The following PHF14 variants were observed in gnomAD, a reference collection of about 807,000 sequenced individuals.
The protein encoded by PHF14 is PHD finger protein 14.
In PHF14, 55 loss-of-function variants were observed where a neutral mutation model predicts 117.9. The ratio of observed to expected loss-of-function variants is 0.47; its 90% CI spans 0.38 to 0.58. PHF14 has a LOEUF of 0.58. Among genes scored for constraint, PHF14 ranks in the 20% least tolerant of loss-of-function variants. PHF14 has a pLI of 0.00. For synonymous variants in PHF14, 409 were observed against 368.6 expected, an observed-to-expected ratio of 1.11 and a Z score of -1.26; for missense variants, 978 against 1,122.2, an observed-to-expected ratio of 0.87 and a Z score of 1.84.
chr7:11,111,306 A>G (rs1381765270), intron 16 of PHF14, 44 bp from the exon 17 acceptor site: 2 of 914,556 alleles, frequency 2.2e-6, no homozygotes, highest in Non-Finnish European at 1.7e-6. Context: ...GATGGTTTTT[A>G]TATTATTTAG....
At chr7:11,034,405 G>A (rs1784236938) in intron 7 of PHF14, among the ~76,000 whole-genome samples, 1 of 151,720 alleles carries the variant, frequency 6.6e-6, no homozygotes, top group African/African-American at 2.4e-5. Flanking sequence ...ATTCTTTTTT[G>A]TACACTACTT....
chr7:11,134,747 A>T (rs554973636), intron 17 of PHF14, among the ~76,000 whole-genome samples: 1 of 152,198 alleles, frequency 6.6e-6, no homozygotes, highest in Non-Finnish European at 1.5e-5. Flanking sequence ...CTTGTCATTA[A>T]ATCTGTTCAG....
At chr7:10,995,758 G>A (rs1186819391) in intron 4 of PHF14, among the ~76,000 whole-genome samples, 1 of 152,180 alleles carries the variant, frequency 6.6e-6, no homozygotes, top group Non-Finnish European at 1.5e-5. Flanking sequence ...AGCACTGCTG[G>A]GGGACCCGGT....
intron 17 of PHF14, among the ~76,000 whole-genome samples, chr7:11,125,968 C>T (rs1164970254): frequency 6.6e-6 from 1 of 152,022 alleles, no homozygotes; most frequent in African/African-American, 2.4e-5. Flanking sequence ...TTTTAAGAAT[C>T]GCTTTGAAAA....
intron 17 of PHF14, among the ~76,000 whole-genome samples, chr7:11,157,528 A>T (rs1788902176): frequency 6.6e-6 from 1 of 152,150 alleles, no homozygotes; most frequent in Non-Finnish European, 1.5e-5. Context: ...TATAGTAGAC[A>T]TTGTTTTGAA....
At chr7:11,141,423 C>T (rs901162578) in intron 17 of PHF14, among the ~76,000 whole-genome samples, 5 of 151,988 alleles carry the variant, frequency 3.3e-5, no homozygotes, top group East Asian at 3.9e-4. Context: ...ATCTGGTGCT[C>T]ATTTTCTGAT....
intron 7 of PHF14, among the ~76,000 whole-genome samples, chr7:11,031,360 TC>T (rs201981853): frequency 0.01 from 1,533 of 152,262 alleles, 27 homozygotes; most frequent in South Asian, 0.062. Context: ...TTGTGAATAT[TC>T]CAGATTTATT....
chr7:11,166,154 G>C (rs1206779671), intron 17 of PHF14, among the ~76,000 whole-genome samples: 4 of 152,138 alleles, frequency 2.6e-5, no homozygotes, highest in Non-Finnish European at 5.9e-5. Context: ...TAAACATTAA[G>C]AGGTAAGCCT....
intron 17 of PHF14, among the ~76,000 whole-genome samples, chr7:11,151,788 A>C (rs911173480): frequency 2.6e-5 from 4 of 152,108 alleles, no homozygotes; most frequent in Non-Finnish European, 5.9e-5. Context: ...TTGGAAAATA[A>C]CTTATTTTGT....
At chr7:11,053,635 G>A (rs898265582) in intron 14 of PHF14, among the ~76,000 whole-genome samples, 3 of 151,916 alleles carry the variant, frequency 2.0e-5, no homozygotes, top group African/African-American at 7.2e-5. Flanking sequence ...TTTCAAGAAA[G>A]CCTTTTGACT....
intron 16 of PHF14, among the ~76,000 whole-genome samples, chr7:11,082,304 C>T (rs534159782): frequency 5.9e-5 from 9 of 152,270 alleles, no homozygotes; most frequent in South Asian, 2.1e-4. Flanking sequence ...GCCATGATCA[C>T]GTCACTGTAC....
chr7:10,994,765 G>C (rs1266009005), intron 4 of PHF14, among the ~76,000 whole-genome samples: 1 of 152,104 alleles, frequency 6.6e-6, no homozygotes. Flanking sequence ...TGGGTTCGTG[G>C]TCTCGCTGGC....
chr7:11,063,595 A>AT (rs917394197), intron 16 of PHF14: 15,211 of 704,212 alleles, frequency 0.022, no homozygotes, highest in Non-Finnish European at 0.024. Flanking sequence ...TGTCTTACTA[A>AT]TTTTTTTTTT....
intron 17 of PHF14, 108 bp downstream of exon 17, chr7:11,111,575 C>A: frequency 3.6e-4 from 186 of 513,332 alleles, no homozygotes; most frequent in Non-Finnish European, 4.5e-4. Context: ...GAAGAACCAA[C>A]ATTTTAACCA....
intron 5 of PHF14, among the ~76,000 whole-genome samples, chr7:11,021,294 G>T (rs1562424048): frequency 6.6e-6 from 1 of 152,096 alleles, no homozygotes; most frequent in East Asian, 1.9e-4. Flanking sequence ...TAACAAGGAA[G>T]ATTTTTTTTT....
chr7:11,111,733 G>A (rs111958339), intron 17 of PHF14, among the ~76,000 whole-genome samples: 3,100 of 151,744 alleles, frequency 0.02, 88 homozygotes, highest in African/African-American at 0.068. Context: ...ATAGTGCTCC[G>A]AAAGCCCAAA....
chr7:11,132,667 A>G (rs899738467), intron 17 of PHF14, among the ~76,000 whole-genome samples: 1 of 151,758 alleles, frequency 6.6e-6, no homozygotes, highest in Non-Finnish European at 1.5e-5. Flanking sequence ...AGAAACCTTT[A>G]TAGTGTTTTT....
chr7:11,113,430 C>T (rs1336771471), intron 17 of PHF14, among the ~76,000 whole-genome samples: 3 of 151,984 alleles, frequency 2.0e-5, no homozygotes, highest in Non-Finnish European at 4.4e-5. Flanking sequence ...AGAAAACTTG[C>T]TTTATATTTG....
intron 16 of PHF14, chr7:11,103,741 G>T (rs1787168713): frequency 1.0e-6 from 1 of 985,008 alleles, no homozygotes; most frequent in Non-Finnish European, 1.2e-6. Context: ...AATTGTAATT[G>T]TAAAGCTGCT....
Sources: gnomAD v4.1 joint callset for allele counts (sites outside exome capture counted in the v4.1 genomes callset) on GRCh38, gnomAD v4.1.1 for gene constraint, MANE v1.5 for transcripts, NCBI Gene and HGNC (gene_info 2026-07-23, HGNC 2026-07-21) for gene names.